The following ADCY8 variants were observed in gnomAD, a reference collection of about 807,000 sequenced individuals.
ADCY8 encodes adenylate cyclase 8.
ADCY8 carries 51 observed loss-of-function variants against 119.7 expected under a neutral mutation model. The observed-to-expected ratio is 0.43, with a 90% CI of 0.34 to 0.54. The LOEUF (loss-of-function observed/expected upper bound fraction) is 0.54. ADCY8 is among the 20% of genes least tolerant of loss of function. The probability of loss-of-function intolerance (pLI) is 0.03; values close to 1 mark genes in which losing one functional copy is unlikely to be tolerated. For missense variants in ADCY8, 1,383 were observed against 1,598.8 expected (o/e 0.87, Z 2.30); for synonymous variants, 665 against 651.0 (o/e 1.02, Z -0.33).
chr8:130,834,894 G>C (rs1185647485), intron 12 of ADCY8, among the ~76,000 whole-genome samples: 1 of 151,578 alleles, frequency 6.6e-6, no homozygotes, highest in African/African-American at 2.4e-5. Context: ...TATATATTCA[G>C]TACATTAGAA....
At chr8:130,850,038 T>C (rs1185095824) in intron 9 of ADCY8, among the ~76,000 whole-genome samples, 1 of 152,218 alleles carries the variant, frequency 6.6e-6, no homozygotes, top group African/African-American at 2.4e-5. Flanking sequence ...GATTTATTGC[T>C]CCTGCCCATT....
intron 2 of ADCY8, among the ~76,000 whole-genome samples, chr8:130,953,302 C>T (rs1328952162): frequency 6.6e-6 from 1 of 152,170 alleles, no homozygotes; most frequent in African/African-American, 2.4e-5. Context: ...CAGTTTAAGA[C>T]AGGCACGTTC....
At chr8:130,952,045 C>A in intron 2 of ADCY8, 47 bp from the exon 3 acceptor site, 3 of 1,605,886 alleles carry the variant, frequency 1.9e-6, no homozygotes, top group Non-Finnish European at 2.6e-6. Flanking sequence ...ACCAGCGAGT[C>A]TCAGATGGGA....
At chr8:130,786,392 G>C (rs1365784567) in intron 15 of ADCY8, among the ~76,000 whole-genome samples, 1 of 152,180 alleles carries the variant, frequency 6.6e-6, no homozygotes, top group Non-Finnish European at 1.5e-5. Context: ...GTGGTAGGCA[G>C]AATAATGCTT....
At chr8:130,871,628 G>C (rs544190333) in intron 8 of ADCY8, among the ~76,000 whole-genome samples, 28 of 152,166 alleles carry the variant, frequency 1.8e-4, no homozygotes, top group African/African-American at 5.3e-4. Context: ...CCTTTTCAAT[G>C]GTGTTGCCTT....
intron 7 of ADCY8, among the ~76,000 whole-genome samples, chr8:130,892,954 A>G (rs1029000716): frequency 6.6e-5 from 10 of 152,116 alleles, no homozygotes; most frequent in African/African-American, 1.9e-4. Flanking sequence ...GCCTGACTCT[A>G]TTCCACCAAT....
chr8:130,853,190 G>A (rs535552447), intron 9 of ADCY8, among the ~76,000 whole-genome samples: 21 of 152,276 alleles, frequency 1.4e-4, no homozygotes, highest in African/African-American at 4.3e-4. Context: ...CCTCCTCTTC[G>A]ATCCACTGAG....
chr8:130,890,147 G>A (rs1442212505), intron 7 of ADCY8, among the ~76,000 whole-genome samples: 1 of 148,410 alleles, frequency 6.7e-6, no homozygotes, highest in Non-Finnish European at 1.5e-5. Context: ...TTTATAAGAA[G>A]ATTGTCGAAC....
At chr8:130,987,535 C>T (rs1822439819) in intron 2 of ADCY8, among the ~76,000 whole-genome samples, 2 of 152,076 alleles carry the variant, frequency 1.3e-5, no homozygotes, top group Non-Finnish European at 2.9e-5. Flanking sequence ...AAAAATCCCA[C>T]AAAACCCAGT....
intron 4 of ADCY8, among the ~76,000 whole-genome samples, chr8:130,942,065 C>T (rs933821472): frequency 6.6e-6 from 1 of 152,146 alleles, no homozygotes; most frequent in Non-Finnish European, 1.5e-5. Flanking sequence ...CATTGCTATC[C>T]ATATGCTTAC....
intron 1 of ADCY8, among the ~76,000 whole-genome samples, chr8:130,998,444 C>A (rs2130757337): frequency 6.6e-6 from 1 of 152,238 alleles, no homozygotes; most frequent in Non-Finnish European, 1.5e-5. Context: ...GTGGCTGGAG[C>A]AGAGAGCCTT....
intron 6 of ADCY8, among the ~76,000 whole-genome samples, chr8:130,907,988 G>A (rs1486573320): frequency 6.6e-6 from 1 of 152,170 alleles, no homozygotes; most frequent in Admixed American, 6.5e-5. Flanking sequence ...GTGAGAACAT[G>A]TGGTGTTGGG....
At chr8:130,807,073 T>G (rs1306812719) in intron 14 of ADCY8, among the ~76,000 whole-genome samples, 2 of 152,250 alleles carry the variant, frequency 1.3e-5, no homozygotes, top group African/African-American at 2.4e-5. Context: ...TTTATTGTGA[T>G]CTTCCTCTGG....
At chr8:130,965,676 T>TTG (rs1472629726) in intron 2 of ADCY8, among the ~76,000 whole-genome samples, 6 of 152,218 alleles carry the variant, frequency 3.9e-5, no homozygotes, top group African/African-American at 1.4e-4. Context: ...AATATTTGAT[T>TTG]TCTGATAATC....
chr8:130,846,967 T>TTCCC (rs1162832819), intron 11 of ADCY8, among the ~76,000 whole-genome samples: 2 of 142,520 alleles, frequency 1.4e-5, no homozygotes, highest in Admixed American at 7.0e-5. Flanking sequence ...TGTTCCTTAA[T>TTCCC]TCCCTCCCTC....
chr8:130,988,188 T>C (rs1162924204), intron 2 of ADCY8, among the ~76,000 whole-genome samples: 1 of 152,204 alleles, frequency 6.6e-6, no homozygotes, highest in Non-Finnish European at 1.5e-5. Context: ...ACTGTCCGTC[T>C]ATTACTGAGG....
intron 9 of ADCY8, among the ~76,000 whole-genome samples, chr8:130,863,304 T>G (rs1210133151): frequency 1.3e-5 from 2 of 152,122 alleles, no homozygotes; most frequent in Non-Finnish European, 2.9e-5. Flanking sequence ...TTTTTTTCAT[T>G]AATGTTAGCA....
intron 6 of ADCY8, among the ~76,000 whole-genome samples, chr8:130,907,192 T>C (rs575989092): frequency 4.7e-4 from 71 of 152,154 alleles, no homozygotes; most frequent in African/African-American, 1.7e-3. Flanking sequence ...CAGGAACTGG[T>C]AGAAAGCATC....
chr8:130,918,035 A>G (rs1485328123), intron 5 of ADCY8, among the ~76,000 whole-genome samples: 1 of 152,128 alleles, frequency 6.6e-6, no homozygotes, highest in Admixed American at 6.6e-5. Context: ...TTTAAATACA[A>G]CTGGAATGTT....
Sources: allele counts gnomAD v4.1 joint callset (sites outside exome capture counted in the v4.1 genomes callset), GRCh38; gene constraint gnomAD v4.1.1; transcripts MANE v1.5; gene names NCBI Gene and HGNC (gene_info 2026-07-23, HGNC 2026-07-21).